The following EVI5 variants were observed in gnomAD, a reference collection of about 807,000 sequenced individuals.
The protein encoded by EVI5 is ecotropic viral integration site 5 protein homolog.
A neutral mutation model predicts 112.0 loss-of-function variants in EVI5; 73 were observed. The observed-to-expected ratio is 0.65, with a 90% CI of 0.54 to 0.79. The LOEUF is 0.79. Ranked by LOEUF, EVI5 falls within the 30% of genes least tolerant of loss-of-function variation. EVI5 has a pLI of 0.00. For missense variants in EVI5, 900 were observed against 968.8 expected (o/e 0.93, Z 0.94); for synonymous variants, 305 against 319.9 (o/e 0.95, Z 0.50).
intron 14 of EVI5, among the ~76,000 whole-genome samples, chr1:92,635,906 T>G (rs1658721257): frequency 1.3e-5 from 2 of 152,182 alleles, no homozygotes; most frequent in Admixed American, 6.5e-5. Context: ...TCACCTGAGT[T>G]TCTCTCTTCT....
chr1:92,638,686 C>T (rs535195445), intron 13 of EVI5, among the ~76,000 whole-genome samples: 1 of 152,246 alleles, frequency 6.6e-6, no homozygotes, highest in South Asian at 2.1e-4. Flanking sequence ...TTATATTCTC[C>T]TTTAACCTTC....
intron 1 of EVI5, chr1:92,784,608 C>T (rs1685362099): frequency 6.5e-6 from 2 of 307,948 alleles, no homozygotes; most frequent in Non-Finnish European, 9.5e-6. Flanking sequence ...GTTTCTTCCC[C>T]AGCGCCCACG....
chr1:92,639,458 G>A (rs1249587725), intron 13 of EVI5, among the ~76,000 whole-genome samples: 4 of 152,104 alleles, frequency 2.6e-5, no homozygotes, highest in Non-Finnish European at 5.9e-5. Flanking sequence ...GTAAATATTT[G>A]TATTGGGGGA....
At chr1:92,687,327 G>A (rs1668720896) in intron 9 of EVI5, among the ~76,000 whole-genome samples, 3 of 152,266 alleles carry the variant, frequency 2.0e-5, no homozygotes, top group Middle Eastern at 3.4e-3. Flanking sequence ...TGGGAAAACT[G>A]GCTAGCTATA....
intron 1 of EVI5, among the ~76,000 whole-genome samples, chr1:92,739,302 C>T (rs1677979899): frequency 7.4e-6 from 1 of 134,870 alleles, no homozygotes; most frequent in African/African-American, 2.7e-5. Context: ...AGCGAACACA[C>T]TTTGAAAATG....
At chr1:92,694,838 C>T (rs900986203) in intron 7 of EVI5, among the ~76,000 whole-genome samples, 2 of 152,158 alleles carry the variant, frequency 1.3e-5, no homozygotes, top group African/African-American at 4.8e-5. Context: ...CCTCTATGTG[C>T]TACTGACAAA....
chr1:92,785,239 A>G (rs371929140), upstream of EVI5: 39 of 317,838 alleles, frequency 1.2e-4, no homozygotes, highest in South Asian at 5.0e-4. Context: ...AGTGCAGAGG[A>G]GGCGGGGAAA....
intron 2 of EVI5, among the ~76,000 whole-genome samples, chr1:92,719,011 T>G (rs1351759479): frequency 9.9e-5 from 15 of 152,138 alleles, no homozygotes; most frequent in Admixed American, 9.8e-4. Context: ...GCCGAATCTC[T>G]GAATATACCA....
At chr1:92,623,840 T>C (rs1571946652) in intron 16 of EVI5, among the ~76,000 whole-genome samples, 1 of 152,328 alleles carries the variant, frequency 6.6e-6, no homozygotes, top group East Asian at 1.9e-4. Flanking sequence ...ACAAAGTATC[T>C]TCTAGCCAAA....
At chr1:92,655,156 T>G (rs1406008841) in intron 13 of EVI5, among the ~76,000 whole-genome samples, 1 of 151,782 alleles carries the variant, frequency 6.6e-6, no homozygotes, top group Non-Finnish European at 1.5e-5. Context: ...CAAGAAGGAC[T>G]TCACCAACAC....
intron 18 of EVI5, among the ~76,000 whole-genome samples, chr1:92,567,363 C>A (rs1482675374): frequency 6.6e-6 from 1 of 152,112 alleles, no homozygotes; most frequent in Non-Finnish European, 1.5e-5. Context: ...TTTATAAAGT[C>A]TACAGTAGTG....
intron 13 of EVI5, among the ~76,000 whole-genome samples, chr1:92,640,018 T>A (rs1402461970): frequency 2.6e-5 from 4 of 152,132 alleles, no homozygotes; most frequent in Non-Finnish European, 4.4e-5. Flanking sequence ...GGGGAAAGGA[T>A]CTCCTATTCA....
Position 92,706,761 on chromosome 1 carries a change from G to A in EVI5, c.150-2017C>T, listed in dbSNP as rs140146011. ...CCAATTATACAAAGCTGTGAGGAACGTTTACAAATAAAATATCTCAAGACA... is the reference window on the plus strand; with the variant it reads ...CCAATTATACAAAGCTGTGAGGAACATTTACAAATAAAATATCTCAAGACA... On this transcript the variant is annotated intron_variant, in intron 2 of 19. Coordinates refer to ENST00000684568, the MANE Select transcript of EVI5 (RefSeq NM_001350197.2). Among the ~76,000 whole-genome samples the A allele has an allele frequency of 3.2e-4, 48 of 152,202 alleles. 1 individual carries two copies. The East Asian group carries it at 8.1e-3, about 26-fold the overall frequency.
At chr1:92,523,329 C>T (rs1381296092) in intron 19 of EVI5, among the ~76,000 whole-genome samples, 2 of 151,966 alleles carry the variant, frequency 1.3e-5, no homozygotes, top group Admixed American at 1.3e-4. Flanking sequence ...TCACCCTCAC[C>T]CTGGCAACCA....
chr1:92,736,503 G>A lies in EVI5; in HGVS notation c.44C>T (p.Thr15Ile), dbSNP rs756848081. The A allele has an allele frequency of 1.2e-6, 2 of 1,613,778 alleles. No individual in the cohort carries two copies. The highest frequency in any genetic ancestry group is 2.2e-5 in the East Asian group (1 of 44,878). The change falls in exon 2 of 20, where the codon ACA becomes ATA. Residue 15 changes from threonine to isoleucine, a missense_variant. Physicochemically the swap from Thr to Ile is moderately conservative, Grantham distance 89. Transcript: ENST00000684568. ...VASPSTSLHT[T>I]SSSTTLSTPA... The stretch of plus-strand genomic sequence containing the variant: ...TGTTGATAGTGTGGTAGATGAGGAT[G>A]TGGTATGTAATGAAGTAGATGGACT...
intron 1 of EVI5, among the ~76,000 whole-genome samples, chr1:92,764,940 A>G (rs1334531033): frequency 1.3e-5 from 2 of 152,196 alleles, no homozygotes; most frequent in Non-Finnish European, 2.9e-5. Flanking sequence ...AACACAATCT[A>G]TAAAAGAATT....
intron 2 of EVI5, among the ~76,000 whole-genome samples, chr1:92,727,579 G>A (rs1423427410): frequency 6.6e-6 from 1 of 152,072 alleles, no homozygotes; most frequent in African/African-American, 2.4e-5. Context: ...CCTACTAATT[G>A]AGATGAATGT....
intron 19 of EVI5, among the ~76,000 whole-genome samples, chr1:92,534,575 A>G (rs1663497096): frequency 6.6e-6 from 1 of 152,238 alleles, no homozygotes; most frequent in Non-Finnish European, 1.5e-5. Context: ...ACTGGTGCCA[A>G]AACAGATATA....
At chr1:92,634,411 C>T (rs1311120343) in intron 14 of EVI5, among the ~76,000 whole-genome samples, 7 of 152,270 alleles carry the variant, frequency 4.6e-5, no homozygotes, top group Non-Finnish European at 7.3e-5. Context: ...CTTCTCTTCT[C>T]GCTTCATTTC....
Sources: gnomAD v4.1 joint callset for allele counts (sites outside exome capture counted in the v4.1 genomes callset) on GRCh38, gnomAD v4.1.1 for gene constraint, MANE v1.5 for transcripts, NCBI Gene and HGNC (gene_info 2026-07-23, HGNC 2026-07-21) for gene names.